The following PDPN variants were observed in gnomAD, a reference collection of about 807,000 sequenced individuals.
The protein encoded by PDPN is podoplanin, also known as PA2.26 antigen.
Under a neutral mutation model 23.2 loss-of-function variants are expected in PDPN, and 12 were observed. That is an observed-to-expected ratio of 0.52 (90% CI 0.33 to 0.84). The LOEUF (loss-of-function observed/expected upper bound fraction) is 0.84. Ranked by LOEUF, PDPN falls within the 40% of genes least tolerant of loss-of-function variation. The probability of loss-of-function intolerance (pLI) is 0.02; values close to 1 mark genes in which losing one functional copy is unlikely to be tolerated. For missense variants in PDPN, 199 were observed against 212.2 expected (o/e 0.94, Z 0.39); for synonymous variants, 77 against 76.7 (o/e 1.00, Z -0.02).
At chr1:13,609,542 T>C (rs1407669063) in intron 2 of PDPN, among the ~76,000 whole-genome samples, 1 of 152,190 alleles carries the variant, frequency 6.6e-6, no homozygotes, top group African/African-American at 2.4e-5. Context: ...CCAGAACTTT[T>C]CATCCTGTAA....
Position 13,616,030 on chromosome 1 carries a change from C to T in PDPN, c.*119C>T, listed in dbSNP as rs1316679113. 1.1e-6 allele frequency: 1 copy of T among 951,914 alleles called. No homozygotes were observed. Among genetic ancestry groups the T allele is most frequent in the Non-Finnish European group, 1.7e-6 (1 of 586,394 alleles). The allele number at this position is 951,914 out of a possible 1,614,324, so 59.0% of individuals were successfully genotyped here. A position where few individuals can be genotyped will look rare whatever the true frequency, so the allele number is the denominator to read the frequency against. On this transcript the variant is annotated 3_prime_UTR_variant, in exon 6 of 6. Transcript: ENST00000621990. ...CCGTGGAACACTTGCCTGGCCCACTCAGAATCCACGGTGACCTCTCCGCTT... is the reference window on the plus strand; with the variant it reads ...CCGTGGAACACTTGCCTGGCCCACTTAGAATCCACGGTGACCTCTCCGCTT...
intron 1 of PDPN, among the ~76,000 whole-genome samples, chr1:13,598,447 AT>A (rs1640553652): frequency 1.3e-5 from 2 of 152,126 alleles, no homozygotes; most frequent in African/African-American, 4.8e-5. Flanking sequence ...TCTTTCTTAG[AT>A]AACAGAAAGA....
At chr1:13,591,892 T>C (rs545043609) in intron 1 of PDPN, among the ~76,000 whole-genome samples, 2 of 152,322 alleles carry the variant, frequency 1.3e-5, no homozygotes, top group Admixed American at 1.3e-4. Context: ...CCATTCTGTT[T>C]TCCAAAGTGG....
intron 3 of PDPN, 68 bp downstream of exon 3, chr1:13,610,584 TCAA>T (rs1224776673): frequency 7.2e-6 from 11 of 1,519,010 alleles, no homozygotes; most frequent in Non-Finnish European, 9.0e-6. Context: ...CCAAAGTCCA[TCAA>T]CAAATAGAAT....
intron 1 of PDPN, among the ~76,000 whole-genome samples, chr1:13,586,608 C>T (rs1017105161): frequency 5.9e-5 from 9 of 152,114 alleles, no homozygotes; most frequent in Non-Finnish European, 1.2e-4. Context: ...TCATTCCCAT[C>T]GCCTGCCATG....
At chr1:13,595,018 A>G (rs1192832784) in intron 1 of PDPN, among the ~76,000 whole-genome samples, 2 of 130,932 alleles carry the variant, frequency 1.5e-5, no homozygotes, top group African/African-American at 5.3e-5. Flanking sequence ...AGAAAGAAAG[A>G]AAAAAAAAAC....
intron 1 of PDPN, among the ~76,000 whole-genome samples, chr1:13,605,835 A>C (rs553515990): frequency 4.4e-4 from 67 of 152,016 alleles, no homozygotes; most frequent in Admixed American, 1.6e-3. Context: ...GTTGGCCAGG[A>C]TGGTCTCGAT....
intron 1 of PDPN, among the ~76,000 whole-genome samples, chr1:13,602,598 T>C (rs1315149931): frequency 6.6e-6 from 1 of 152,200 alleles, no homozygotes; most frequent in African/African-American, 2.4e-5. Context: ...TTCTTTTTTT[T>C]GTCTCCCAGG....
Position 13,616,140 on chromosome 1 carries a change from C to A in PDPN, c.*229C>A. 1 of 570,476 alleles carries A rather than the reference C, an allele frequency of 1.8e-6. No homozygotes were observed. Among genetic ancestry groups the A allele is most frequent in the Non-Finnish European group, 3.1e-6 (1 of 319,832 alleles). The allele number at this position is 570,476 out of a possible 1,614,324, so 35.3% of individuals were successfully genotyped here. ...TCAAACATGTTTTTGAATATACATTCTATAAAAGATTATTTGAAAGACAAA... is the reference window on the plus strand; with the variant it reads ...TCAAACATGTTTTTGAATATACATTATATAAAAGATTATTTGAAAGACAAA... On this transcript the variant is annotated 3_prime_UTR_variant, in exon 6 of 6. Transcript: ENST00000621990.
Position 13,612,164 on chromosome 1 carries a change from C to T in PDPN, c.332-1523C>T, listed in dbSNP as rs533561938. Among the ~76,000 whole-genome samples, 3 of 152,230 alleles carry T rather than the reference C, an allele frequency of 2.0e-5. No homozygotes were observed. The East Asian group carries it at 5.8e-4, about 29-fold the overall frequency. ...GAGTGCACATTCCTACTTAATACAT[C>T]GTTATTCCAAGACATTTTCACATGT... is the stretch of plus-strand genomic sequence containing the variant. On this transcript the variant is annotated intron_variant, in intron 3 of 5. Transcript: ENST00000621990.
chr1:13,585,703 A>G, intron 1 of PDPN: 1 of 1,233,114 alleles, frequency 8.1e-7, no homozygotes, highest in Non-Finnish European at 1.1e-6. Context: ...TCCACTACTA[A>G]AGAAAGAAGT....
intron 1 of PDPN, among the ~76,000 whole-genome samples, chr1:13,586,149 T>C (rs1375166452): frequency 6.6e-6 from 1 of 152,196 alleles, no homozygotes; most frequent in Non-Finnish European, 1.5e-5. Context: ...TGTGAGATTC[T>C]GCAAGCTGCT....
intron 1 of PDPN, among the ~76,000 whole-genome samples, chr1:13,595,619 TAC>T (rs1640474369): frequency 6.6e-6 from 1 of 152,212 alleles, no homozygotes; most frequent in African/African-American, 2.4e-5. Context: ...ATGTTTCTCT[TAC>T]ATTTTACAGA....
intron 2 of PDPN, among the ~76,000 whole-genome samples, chr1:13,610,174 A>G (rs1640897113): frequency 6.6e-6 from 1 of 152,240 alleles, no homozygotes; most frequent in African/African-American, 2.4e-5. Context: ...GGTTGCTACC[A>G]CTTTTGGCTG....
At chr1:13,601,237 G>A (rs1310288825) in intron 1 of PDPN, among the ~76,000 whole-genome samples, 8 of 152,334 alleles carry the variant, frequency 5.3e-5, no homozygotes, top group East Asian at 1.9e-4. Flanking sequence ...AAGAGAGCAC[G>A]GATTTAGAAA....
chr1:13,598,897 G>A lies in PDPN; in HGVS notation c.68-8276G>A, dbSNP rs144320586. Among the ~76,000 whole-genome samples, 359 of 152,190 alleles carry A rather than the reference G, an allele frequency of 2.4e-3. 2 individuals carry two copies. Among genetic ancestry groups the A allele is most frequent in the Middle Eastern group, 3.4e-3 (1 of 294 alleles). ...CTTTATCAAGCTTATATTCCAGTAG[G>A]ACAGACAAGTAGCGAGCAGGTAGCA... On this transcript the variant is annotated intron_variant, in intron 1 of 5. Coordinates refer to ENST00000621990, the MANE Select transcript of PDPN (RefSeq NM_006474.5).
rs70984267 is a variant in PDPN, at chr1:13,599,373, C to CTTT, written c.68-7772_68-7770dup. On this transcript the variant is annotated intron_variant, in intron 1 of 5. Coordinates refer to ENST00000621990, the MANE Select transcript of PDPN (RefSeq NM_006474.5). ...TATCTTGATGTGTTCGAGAAGCTATCTTTTTTTTTTTTTTTTTTTTTTTTT... is the reference window on the plus strand; with the variant it reads ...TATCTTGATGTGTTCGAGAAGCTATCTTTTTTTTTTTTTTTTTTTTTTTTTTTT... 3.9e-3 allele frequency among the ~76,000 whole-genome samples: 298 copies of CTTT among 77,094 alleles called. 32 individuals are homozygous for CTTT. The highest frequency in any genetic ancestry group is 0.016 in the African/African-American group (286 of 17,352). 50.6% of individuals were successfully genotyped at this position (77,094 alleles called of 152,430 possible). A position where few individuals can be genotyped will look rare whatever the true frequency, so the allele number is the denominator to read the frequency against.
intron 1 of PDPN, among the ~76,000 whole-genome samples, chr1:13,588,574 A>G (rs1640243268): frequency 6.8e-6 from 1 of 147,876 alleles, no homozygotes; most frequent in South Asian, 2.1e-4. Context: ...TTTTTATTAT[A>G]TATAATATAA....
intron 1 of PDPN, among the ~76,000 whole-genome samples, chr1:13,601,845 G>A (rs1640648407): frequency 6.6e-6 from 1 of 152,212 alleles, no homozygotes; most frequent in Non-Finnish European, 1.5e-5. Flanking sequence ...GGAAAACATA[G>A]GTGAATATTT....
Sources: allele counts gnomAD v4.1 joint callset (sites outside exome capture counted in the v4.1 genomes callset), GRCh38; gene constraint gnomAD v4.1.1; transcripts MANE v1.5; gene names NCBI Gene and HGNC (gene_info 2026-07-23, HGNC 2026-07-21).